KHDRBS2: variants seen among roughly 807,000 people sequenced by gnomAD.
KHDRBS2 encodes the protein KH RNA binding domain containing, signal transduction associated 2.
A neutral mutation model predicts 44.3 loss-of-function variants in KHDRBS2; 26 were observed. That is an observed-to-expected ratio of 0.59 (90% CI 0.43 to 0.81). KHDRBS2 has a LOEUF of 0.81. Among genes scored for constraint, KHDRBS2 ranks in the 40% least tolerant of loss-of-function variants. The probability of loss-of-function intolerance (pLI) is 0.00; values close to 1 mark genes in which losing one functional copy is unlikely to be tolerated. For synonymous variants in KHDRBS2, 194 were observed against 151.1 expected, an observed-to-expected ratio of 1.28 and a Z score of -2.08; for missense variants, 476 against 433.1, an observed-to-expected ratio of 1.10 and a Z score of -0.88.
chr6:61,711,291 C>G (rs1161377987), intron 7 of KHDRBS2, among the ~76,000 whole-genome samples: 1 of 151,356 alleles, frequency 6.6e-6, no homozygotes, highest in Non-Finnish European at 1.5e-5. Flanking sequence ...TTCTTTTTTC[C>G]TAAAATTTTT....
At chr6:61,892,688 T>C (rs1247401562) in intron 6 of KHDRBS2, among the ~76,000 whole-genome samples, 1 of 152,140 alleles carries the variant, frequency 6.6e-6, no homozygotes, top group African/African-American at 2.4e-5. Context: ...CTGGGAAAAC[T>C]CGCTAGCCAT....
chr6:61,765,172 A>T (rs1231259695), intron 6 of KHDRBS2, among the ~76,000 whole-genome samples: 1 of 152,112 alleles, frequency 6.6e-6, no homozygotes, highest in Non-Finnish European at 1.5e-5. Flanking sequence ...GCATGGTAGC[A>T]TTTCTATAAT....
chr6:61,765,231 T>C (rs1465196057), intron 6 of KHDRBS2, among the ~76,000 whole-genome samples: 1 of 152,070 alleles, frequency 6.6e-6, no homozygotes, highest in Non-Finnish European at 1.5e-5. Context: ...GGTTGTAGGA[T>C]TGTTTGAGGC....
At chr6:62,251,171 C>G (rs1011254462) in intron 1 of KHDRBS2, among the ~76,000 whole-genome samples, 5 of 151,578 alleles carry the variant, frequency 3.3e-5, no homozygotes, top group African/African-American at 1.2e-4. Flanking sequence ...CTTGAATATT[C>G]TTGAATATAA....
At chr6:61,906,617 T>A (rs1583443892) in intron 4 of KHDRBS2, among the ~76,000 whole-genome samples, 1 of 152,198 alleles carries the variant, frequency 6.6e-6, no homozygotes, top group Non-Finnish European at 1.5e-5. Flanking sequence ...ATTTTTTTAA[T>A]TTTTAGCTCT....
the KHDRBS2 span, among the ~76,000 whole-genome samples, chr6:61,634,284 G>A: frequency 6.6e-6 from 1 of 151,592 alleles, no homozygotes; most frequent in Non-Finnish European, 1.5e-5. Context: ...AAAAAAGTTG[G>A]AAATGGCTTT....
At chr6:61,969,604 T>A (rs1365449520) in intron 4 of KHDRBS2, among the ~76,000 whole-genome samples, 1 of 152,040 alleles carries the variant, frequency 6.6e-6, no homozygotes, top group Non-Finnish European at 1.5e-5. Context: ...TCCTGGCTTA[T>A]AAAGTGTCTT....
intron 4 of KHDRBS2, among the ~76,000 whole-genome samples, chr6:61,967,493 G>A (rs1244056645): frequency 6.6e-6 from 1 of 151,834 alleles, no homozygotes; most frequent in African/African-American, 2.4e-5. Context: ...GAAGCAGCAG[G>A]GTGGGCTGTA....
Position 61,978,117 on chromosome 6 carries a change from A to T in KHDRBS2, c.432T>A (p.Ala144=), listed in dbSNP as rs533137467. ...CCAATGCATGACTCATACGTGAATAAGCTTCCCCAGGTGGAGCAAACACTT... is the reference window on the plus strand; with the variant it reads ...CCAATGCATGACTCATACGTGAATATGCTTCCCCAGGTGGAGCAAACACTT... ...LIEVFAPPGE[A]YSRMSHALEE... The change falls in exon 4 of 9, where the codon GCT becomes GCA. Residue 144 remains alanine, a synonymous_variant. Transcript: ENST00000281156. 1.9e-6 allele frequency: 3 copies of T among 1,611,756 alleles called. No individual in the cohort carries two copies. The highest frequency in any genetic ancestry group is 2.2e-5 in the South Asian group (2 of 90,648).
intron 2 of KHDRBS2, among the ~76,000 whole-genome samples, chr6:62,070,611 C>T (rs1010054730): frequency 1.5e-4 from 23 of 151,882 alleles, no homozygotes; most frequent in Admixed American, 1.3e-3. Flanking sequence ...GTCCTTGCGA[C>T]AGTTTGCTGA....
At chr6:61,838,835 CT>C (rs1380400291) in intron 6 of KHDRBS2, among the ~76,000 whole-genome samples, 1 of 152,014 alleles carries the variant, frequency 6.6e-6, no homozygotes, top group African/African-American at 2.4e-5. Context: ...GGGTGATCTT[CT>C]ACAATCCAAA....
chr6:61,848,510 T>TATATATATAC lies in KHDRBS2; in HGVS notation c.810+46124_810+46125insGTATATATAT, dbSNP rs1491479304. ...ATATATGTATATATATATATATATA[T>TATATATATAC]GTATATATGTATATATATATACATA... On this transcript the variant is annotated intron_variant, in intron 6 of 8. Transcript: ENST00000281156. Among the ~76,000 whole-genome samples the TATATATATAC allele has an allele frequency of 5.4e-4, 26 of 48,148 alleles. 1 individual carries two copies. Among genetic ancestry groups the TATATATATAC allele is most frequent in the African/African-American group, 3.0e-3 (26 of 8,616 alleles). The allele number at this position is 48,148 out of a possible 152,430, so 31.6% of individuals were successfully genotyped here.
the KHDRBS2 span, among the ~76,000 whole-genome samples, chr6:61,613,343 T>G: frequency 2.6e-5 from 4 of 152,198 alleles, no homozygotes; most frequent in Admixed American, 2.6e-4. Context: ...AATGTCTACG[T>G]GTAATACATA....
chr6:61,759,458 T>C (rs1778959934), intron 6 of KHDRBS2, among the ~76,000 whole-genome samples: 4 of 152,180 alleles, frequency 2.6e-5, no homozygotes, highest in Admixed American at 2.6e-4. Context: ...TTATTACATC[T>C]CATAATTTAA....
intron 2 of KHDRBS2, among the ~76,000 whole-genome samples, chr6:62,106,679 T>C (rs1304077546): frequency 6.6e-6 from 1 of 152,130 alleles, no homozygotes; most frequent in Non-Finnish European, 1.5e-5. Flanking sequence ...TGAACATTGA[T>C]GCAAAAATCC....
chr6:61,646,743 T>C, the KHDRBS2 span, among the ~76,000 whole-genome samples: 270 of 152,252 alleles, frequency 1.8e-3, 1 homozygote, highest in Non-Finnish European at 2.8e-3. Flanking sequence ...AAGTTTATTA[T>C]ATATTTGAGC....
chr6:61,919,774 A>G (rs1472140232), intron 4 of KHDRBS2, among the ~76,000 whole-genome samples: 1 of 151,972 alleles, frequency 6.6e-6, no homozygotes, highest in Non-Finnish European at 1.5e-5. Flanking sequence ...TCAAATTTTG[A>G]AAACCACTGG....
intron 6 of KHDRBS2, among the ~76,000 whole-genome samples, chr6:61,810,715 T>C (rs1787984154): frequency 6.6e-6 from 1 of 152,060 alleles, no homozygotes; most frequent in Non-Finnish European, 1.5e-5. Context: ...ACAAAACTCT[T>C]ATAGAATATT....
intron 6 of KHDRBS2, among the ~76,000 whole-genome samples, chr6:61,786,507 A>T (rs1325108378): frequency 6.6e-6 from 1 of 152,060 alleles, no homozygotes; most frequent in Non-Finnish European, 1.5e-5. Context: ...CAAAGATCAA[A>T]CAATCTGCTA....
Sources: allele counts gnomAD v4.1 joint callset (sites outside exome capture counted in the v4.1 genomes callset), GRCh38; gene constraint gnomAD v4.1.1; transcripts MANE v1.5; gene names NCBI Gene and HGNC (gene_info 2026-07-23, HGNC 2026-07-21).